The following SNX7 variants were observed in gnomAD, a reference collection of about 807,000 sequenced individuals.
The protein encoded by SNX7 is sorting nexin 7.
Under a neutral mutation model 48.4 loss-of-function variants are expected in SNX7, and 35 were observed. The ratio of observed to expected loss-of-function variants is 0.72; its 90% confidence interval spans 0.55 to 0.96. The LOEUF (loss-of-function observed/expected upper bound fraction) is 0.96, where lower values mean the gene tolerates loss of function less well. SNX7 is among the 40% of genes least tolerant of loss of function. The pLI is 0.00. For synonymous variants in SNX7, 190 were observed against 190.2 expected, an observed-to-expected ratio of 1.00 and a Z score of 0.01; for missense variants, 553 against 548.9, an observed-to-expected ratio of 1.01 and a Z score of -0.07.
chr1:98,734,952 C>A (rs1653699711), intron 7 of SNX7, among the ~76,000 whole-genome samples: 2 of 152,160 alleles, frequency 1.3e-5, no homozygotes, highest in Admixed American at 1.3e-4. Context: ...GCCTTAAATC[C>A]TATCTAGCCC....
intron 1 of SNX7, 145 bp from the exon 2 acceptor site, chr1:98,684,740 A>G: frequency 2.0e-6 from 1 of 503,222 alleles, no homozygotes; most frequent in Non-Finnish European, 3.3e-6. Flanking sequence ...AAACAGATAA[A>G]AATACATGTT....
chr1:98,700,012 T>A (rs1031639582), intron 6 of SNX7, among the ~76,000 whole-genome samples: 1 of 152,200 alleles, frequency 6.6e-6, no homozygotes, highest in Non-Finnish European at 1.5e-5. Context: ...TTCAAGAAGA[T>A]CAGATTTGTA....
chr1:98,690,073 T>G (rs550123071), intron 2 of SNX7, among the ~76,000 whole-genome samples: 1 of 152,300 alleles, frequency 6.6e-6, no homozygotes. Context: ...AGATTGCATC[T>G]TATGACTTGG....
intron 7 of SNX7, among the ~76,000 whole-genome samples, chr1:98,715,795 A>G (rs1652559545): frequency 6.6e-6 from 1 of 152,146 alleles, no homozygotes; most frequent in Non-Finnish European, 1.5e-5. Flanking sequence ...TCCTTTTGGT[A>G]GAAAAAGTTA....
Position 98,685,042 on chromosome 1 carries a change from T to A in SNX7, c.338T>A (p.Phe113Tyr), listed in dbSNP as rs199755407. 2 of 1,563,908 alleles carry A rather than the reference T, an allele frequency of 1.3e-6. No homozygotes were observed. The highest frequency in any genetic ancestry group is 2.7e-5 in the African/African-American group (2 of 73,840). Residue 113 changes from phenylalanine to tyrosine, a missense_variant, in exon 2 of 9, where the codon TTC becomes TAC. Coordinates refer to ENST00000306121, the MANE Select transcript of SNX7 (RefSeq NM_015976.5). Reference sequence around the variant, plus strand: ...AGTCATGTTACTACAATAGAAACTTTCATTACGTATAGGATTATTACTAAG... The same window carrying A: ...AGTCATGTTACTACAATAGAAACTTACATTACGTATAGGATTATTACTAAG... ...PESHVTTIET[F>Y]ITYRIITKTS... is the part of the protein sequence containing the mutation.
At position 98,661,874 on chromosome 1, in the gene SNX7, T is replaced by TGGACGA. The variant is rs911169395; in HGVS notation, c.156_161dup (p.Glu52_Asp53dup). On this transcript the variant is annotated inframe_insertion, in exon 1 of 9. Transcript: ENST00000306121. ...CTGCTGCAGGCGGAGGTGCTGGATC[T>TGGACGA]GGACGAGGACGAGGACGACCTGGAG... 15 of 1,247,008 alleles carry TGGACGA rather than the reference T, an allele frequency of 1.2e-5. No individual in the cohort carries two copies. In the East Asian group the frequency reaches 1.6e-4, roughly 13 times the overall value. 77.2% of individuals were successfully genotyped at this position (1,247,008 alleles called of 1,614,324 possible). A position where few individuals can be genotyped will look rare whatever the true frequency, so the allele number is the denominator to read the frequency against.
chr1:98,702,013 T>G, intron 7 of SNX7, 110 bp downstream of exon 7: 3 of 738,948 alleles, frequency 4.1e-6, no homozygotes, highest in Non-Finnish European at 6.5e-6. Flanking sequence ...ATATGATTGT[T>G]TCTAAGCATT....
At chr1:98,675,104 G>A (rs1373908750) in intron 1 of SNX7, among the ~76,000 whole-genome samples, 5 of 152,144 alleles carry the variant, frequency 3.3e-5, no homozygotes, top group Non-Finnish European at 7.3e-5. Flanking sequence ...TTATTGTGGA[G>A]GTGAGACCTT....
intron 5 of SNX7, among the ~76,000 whole-genome samples, chr1:98,696,810 T>G (rs1651482474): frequency 6.6e-6 from 1 of 151,998 alleles, no homozygotes; most frequent in Admixed American, 6.5e-5. Context: ...TCTGGATGCA[T>G]AGTTAGGTGG....
chr1:98,739,040 G>A (rs9725840), intron 8 of SNX7, among the ~76,000 whole-genome samples: 40,125 of 151,890 alleles, frequency 0.26, 5,630 homozygotes, highest in Middle Eastern at 0.31. Flanking sequence ...TCGTACCAGG[G>A]ACAGGTTTCA....
At chr1:98,735,811 A>G (rs1653745988) in intron 7 of SNX7, among the ~76,000 whole-genome samples, 1 of 152,172 alleles carries the variant, frequency 6.6e-6, no homozygotes, top group African/African-American at 2.4e-5. Flanking sequence ...GTCTTACCCA[A>G]TGTCACATAA....
At chr1:98,685,609 C>T (rs141305853) in intron 2 of SNX7, among the ~76,000 whole-genome samples, 6 of 152,238 alleles carry the variant, frequency 3.9e-5, no homozygotes, top group Admixed American at 1.3e-4. Context: ...TTACCTCAGA[C>T]ACAATTAAGC....
chr1:98,742,926 T>C (rs549503029), intron 8 of SNX7, among the ~76,000 whole-genome samples: 1 of 152,162 alleles, frequency 6.6e-6, no homozygotes, highest in Admixed American at 6.5e-5. Context: ...TGTTTCCACA[T>C]AGTGTCATAA....
chr1:98,758,694 T>G (rs3813786), intron 8 of SNX7, among the ~76,000 whole-genome samples: 40,080 of 151,894 alleles, frequency 0.26, 5,598 homozygotes, highest in South Asian at 0.31. Context: ...ACCCACTATT[T>G]AATCCAGTAA....
At chr1:98,703,103 AT>A (rs766868347) in intron 7 of SNX7, among the ~76,000 whole-genome samples, 1 of 151,660 alleles carries the variant, frequency 6.6e-6, no homozygotes, top group African/African-American at 2.4e-5. Context: ...TTAAGGGCAG[AT>A]TTTTTTTATT....
intron 4 of SNX7, among the ~76,000 whole-genome samples, chr1:98,694,596 A>AT (rs764330196): frequency 0.28 from 14,738 of 52,494 alleles, 4,519 homozygotes; most frequent in Non-Finnish European, 0.33. Flanking sequence ...TTGCTCTGGG[A>AT]TTTTTTTTTT....
intron 6 of SNX7, among the ~76,000 whole-genome samples, chr1:98,700,669 C>T (rs1181850878): frequency 6.6e-6 from 1 of 151,962 alleles, no homozygotes; most frequent in Non-Finnish European, 1.5e-5. Context: ...CTCTTTCTTC[C>T]AAAGTGCTGA....
At chr1:98,673,773 T>C (rs1478879224) in intron 1 of SNX7, among the ~76,000 whole-genome samples, 1 of 152,222 alleles carries the variant, frequency 6.6e-6, no homozygotes, top group African/African-American at 2.4e-5. Context: ...ACAAATTTAT[T>C]CACCTGTAAA....
intron 1 of SNX7, among the ~76,000 whole-genome samples, chr1:98,681,942 A>G (rs1650512777): frequency 6.6e-6 from 1 of 152,146 alleles, no homozygotes. Context: ...CTCAATAAGT[A>G]AAAGTTTTCT....
Sources: gnomAD v4.1 joint callset for allele counts (sites outside exome capture counted in the v4.1 genomes callset) on GRCh38, gnomAD v4.1.1 for gene constraint, MANE v1.5 for transcripts, NCBI Gene and HGNC (gene_info 2026-07-23, HGNC 2026-07-21) for gene names.